Variants in MAN1A1 observed in about 807,000 individuals in gnomAD.
MAN1A1 encodes the protein mannosyl-oligosaccharide 1,2-alpha-mannosidase IA.
Under a neutral mutation model 70.8 loss-of-function variants are expected in MAN1A1, and 29 were observed. The observed-to-expected ratio is 0.41, with a 90% CI of 0.31 to 0.56. The LOEUF (loss-of-function observed/expected upper bound fraction) is 0.56. MAN1A1 is among the 20% of genes least tolerant of loss of function. The pLI, the probability that MAN1A1 is intolerant of heterozygous loss-of-function variation, is 0.29. For missense variants in MAN1A1, 747 were observed against 841.3 expected (o/e 0.89, Z 1.39); for synonymous variants, 349 against 330.1 (o/e 1.06, Z -0.62).
intron 6 of MAN1A1, among the ~76,000 whole-genome samples, chr6:119,221,598 C>G (rs1273312049): frequency 6.6e-6 from 1 of 151,080 alleles, no homozygotes; most frequent in Non-Finnish European, 1.5e-5. Flanking sequence ...GTAGCCTCCC[C>G]AATACAAAAA....
chr6:119,299,827 C>T (rs937313257), intron 4 of MAN1A1, among the ~76,000 whole-genome samples: 1 of 152,196 alleles, frequency 6.6e-6, no homozygotes, highest in Non-Finnish European at 1.5e-5. Flanking sequence ...GTTACAGTAA[C>T]ATCTTGTCTG....
chr6:119,264,304 A>G (rs1024971600), intron 5 of MAN1A1, among the ~76,000 whole-genome samples: 5 of 152,244 alleles, frequency 3.3e-5, no homozygotes, highest in African/African-American at 1.2e-4. Flanking sequence ...AGGTTAACTC[A>G]GGTAATTCGA....
chr6:119,337,898 C>T (rs1186989991), intron 2 of MAN1A1, among the ~76,000 whole-genome samples: 1 of 152,114 alleles, frequency 6.6e-6, no homozygotes, highest in Admixed American at 6.5e-5. Context: ...TTATAAAATA[C>T]GTTTTTTACT....
intron 11 of MAN1A1, among the ~76,000 whole-genome samples, chr6:119,185,176 C>T (rs1262241494): frequency 6.6e-6 from 1 of 152,146 alleles, no homozygotes; most frequent in Admixed American, 6.5e-5. Flanking sequence ...GCTTGAGCCA[C>T]CACGCCTGGC....
chr6:119,209,897 G>C (rs189119005), intron 6 of MAN1A1, among the ~76,000 whole-genome samples: 130 of 152,266 alleles, frequency 8.5e-4, no homozygotes, highest in Non-Finnish European at 1.5e-3. Context: ...ATAGAGGGCA[G>C]CTATTTACTG....
chr6:119,259,416 A>C (rs1353349474), intron 5 of MAN1A1, among the ~76,000 whole-genome samples: 1 of 152,226 alleles, frequency 6.6e-6, no homozygotes, highest in African/African-American at 2.4e-5. Context: ...GCAAATTTAC[A>C]AAGTCAACTG....
intron 6 of MAN1A1, among the ~76,000 whole-genome samples, chr6:119,235,087 G>A (rs943789694): frequency 3.9e-5 from 6 of 152,102 alleles, no homozygotes; most frequent in East Asian, 1.9e-4. Context: ...CAGCTGTTTC[G>A]CATTTCTCTT....
chr6:119,189,317 T>C (rs894710824), intron 10 of MAN1A1, among the ~76,000 whole-genome samples: 3 of 152,150 alleles, frequency 2.0e-5, no homozygotes, highest in Admixed American at 2.0e-4. Flanking sequence ...ATCTGTTTCA[T>C]GGGGGATGTG....
In MAN1A1 at chr6:119,191,058, C is replaced by T. The variant is rs570306285; in HGVS notation, c.1327-1175G>A. On this transcript the variant is annotated intron_variant, in intron 9 of 12. Transcript: ENST00000368468. ...AAATGAACACACAGGAAGCTAAAAC[C>T]TTTCCTACCTTTATTAGAAATAAAC... 3.5e-4 allele frequency among the ~76,000 whole-genome samples: 53 copies of T among 152,220 alleles called. No homozygotes were observed. In the South Asian group the frequency reaches 8.9e-3, roughly 26 times the overall value.
intron 2 of MAN1A1, among the ~76,000 whole-genome samples, chr6:119,308,828 G>C (rs1772602675): frequency 6.6e-6 from 1 of 151,970 alleles, no homozygotes; most frequent in Non-Finnish European, 1.5e-5. Context: ...AAATTCAAAA[G>C]CTTTTGGAAT....
intron 6 of MAN1A1, among the ~76,000 whole-genome samples, chr6:119,207,899 G>A (rs1184056972): frequency 6.6e-6 from 1 of 152,142 alleles, no homozygotes; most frequent in Non-Finnish European, 1.5e-5. Context: ...ATCTATGGCA[G>A]TGGGAGATTT....
At chr6:119,307,206 G>A (rs7753315) in intron 2 of MAN1A1, among the ~76,000 whole-genome samples, 57,462 of 151,992 alleles carry the variant, frequency 0.38, 11,338 homozygotes, top group Non-Finnish European at 0.41. Context: ...TTACAAATGG[G>A]AAGTTTTCGT....
chr6:119,327,695 T>G (rs1225703144), intron 2 of MAN1A1, among the ~76,000 whole-genome samples: 2 of 152,144 alleles, frequency 1.3e-5, no homozygotes, highest in African/African-American at 4.8e-5. Flanking sequence ...AAAGTAAATT[T>G]TAAGTGCTCC....
At chr6:119,247,891 A>C (rs1775210926) in intron 6 of MAN1A1, among the ~76,000 whole-genome samples, 1 of 152,206 alleles carries the variant, frequency 6.6e-6, no homozygotes, top group Non-Finnish European at 1.5e-5. Context: ...ACTTAAATAA[A>C]GGTTCTTAGG....
rs925291663 is a variant in MAN1A1 at position 119,305,464 on chromosome 6, C to T, written c.700+1432G>A. 2.0e-4 allele frequency among the ~76,000 whole-genome samples: 26 copies of T among 133,158 alleles called. No individual in the cohort carries two copies. The East Asian group carries it at 2.6e-3, about 13-fold the overall frequency. 87.4% of individuals were successfully genotyped at this position (133,158 alleles called of 152,430 possible). A position where few individuals can be genotyped will look rare whatever the true frequency, so the allele number is the denominator to read the frequency against. On this transcript the variant is annotated intron_variant, in intron 3 of 12. Transcript: ENST00000368468. ...GTTTCTCTCTTCAATTCATACCTCC[C>T]CTTACCCATGTTAACTGGTAGCTGG...
At chr6:119,280,076 T>C (rs1776188841) in intron 5 of MAN1A1, among the ~76,000 whole-genome samples, 1 of 152,254 alleles carries the variant, frequency 6.6e-6, no homozygotes, top group Non-Finnish European at 1.5e-5. Context: ...TGAGTCTCCT[T>C]TTCTAGCTCT....
intron 5 of MAN1A1, among the ~76,000 whole-genome samples, chr6:119,287,720 T>C (rs540442604): frequency 5.9e-5 from 9 of 152,116 alleles, no homozygotes; most frequent in Admixed American, 3.9e-4. Context: ...TCCTGCCATA[T>C]CAAAAGAAAC....
chr6:119,274,221 T>C (rs1005087800), intron 5 of MAN1A1, among the ~76,000 whole-genome samples: 1 of 152,216 alleles, frequency 6.6e-6, no homozygotes, highest in Non-Finnish European at 1.5e-5. Flanking sequence ...TTAACTATAA[T>C]GAGTAGATAT....
In MAN1A1 at chr6:119,178,878, A is replaced by G. The variant is rs576607093; in HGVS notation, c.*941T>C. 247 of 152,256 alleles carry G rather than the reference A, an allele frequency of 1.6e-3. 1 individual carries two copies. Among genetic ancestry groups the G allele is most frequent in the African/African-American group, 5.8e-3 (240 of 41,566 alleles). 9.4% of individuals were successfully genotyped at this position (152,256 alleles called of 1,614,324 possible). A position where few individuals can be genotyped will look rare whatever the true frequency, so the allele number is the denominator to read the frequency against. On this transcript the variant is annotated 3_prime_UTR_variant, in exon 13 of 13. Coordinates refer to ENST00000368468, the MANE Select transcript of MAN1A1 (RefSeq NM_005907.4). ...AAATAGAATGCTTTATTTTCCAAAGAAAAAAATCAAGATGAAATACAAACA... is the reference window on the plus strand; with the variant it reads ...AAATAGAATGCTTTATTTTCCAAAGGAAAAAATCAAGATGAAATACAAACA...
Sources: allele counts gnomAD v4.1 joint callset (sites outside exome capture counted in the v4.1 genomes callset), GRCh38; gene constraint gnomAD v4.1.1; transcripts MANE v1.5; gene names NCBI Gene and HGNC (gene_info 2026-07-23, HGNC 2026-07-21).